FHIT: variants seen among roughly 807,000 people sequenced by gnomAD.
FHIT encodes fragile histidine triad diadenosine triphosphatase.
A neutral mutation model predicts 17.9 loss-of-function variants in FHIT; 19 were observed. That is an observed-to-expected ratio of 1.06 (90% CI 0.74 to 1.56). The LOEUF is 1.56. Among genes scored for constraint, FHIT ranks in the 40% most tolerant of loss-of-function variants. The pLI, the probability that FHIT is intolerant of heterozygous loss-of-function variation, is 0.00. For missense variants in FHIT, 248 were observed against 189.2 expected (o/e 1.31, Z -1.82); for synonymous variants, 81 against 69.7 (o/e 1.16, Z -0.81).
intron 5 of FHIT, among the ~76,000 whole-genome samples, chr3:60,435,967 T>C (rs1284351884): frequency 2.0e-5 from 3 of 152,148 alleles, no homozygotes; most frequent in Admixed American, 6.6e-5. Context: ...GCTCCATCCT[T>C]ATCCCTGCAA....
chr3:60,271,170 T>C (rs555618979), intron 5 of FHIT, among the ~76,000 whole-genome samples: 138 of 152,172 alleles, frequency 9.1e-4, no homozygotes, highest in Non-Finnish European at 1.2e-3. Context: ...GAAACAAAGG[T>C]GGGCAGATCT....
intron 3 of FHIT, among the ~76,000 whole-genome samples, chr3:60,920,027 C>T (rs1553767995): frequency 6.6e-6 from 1 of 151,132 alleles, no homozygotes; most frequent in East Asian, 1.9e-4. Context: ...GAGCGAGACT[C>T]CGTCTCAAAA....
At chr3:60,303,248 C>T (rs1325396537) in intron 5 of FHIT, among the ~76,000 whole-genome samples, 2 of 152,130 alleles carry the variant, frequency 1.3e-5, no homozygotes, top group Non-Finnish European at 2.9e-5. Context: ...CTAAGCATGA[C>T]ATCCAAATTC....
At chr3:60,565,146 T>C (rs375156021) in intron 4 of FHIT, among the ~76,000 whole-genome samples, 19 of 152,328 alleles carry the variant, frequency 1.2e-4, no homozygotes, top group Middle Eastern at 6.8e-3. Context: ...ATGTACACTT[T>C]TTAGGAATAA....
At position 59,747,522 on chromosome 3, in the gene FHIT, G is replaced by A. The variant is rs541513939; in HGVS notation, c.*2063C>T. Among the ~76,000 whole-genome samples, 22 of 152,258 alleles carry A rather than the reference G, an allele frequency of 1.4e-4. No individual in the cohort carries two copies. The highest frequency in any genetic ancestry group is 1.4e-3 in the Admixed American group (22 of 15,298). ...GGAGCTACAATTCAAGATGAGATGT[G>A]GGTGGGGAAACAGCCAAATCGTATA... On this transcript the variant is annotated 3_prime_UTR_variant, in exon 10 of 10. Coordinates refer to ENST00000492590, the MANE Select transcript of FHIT (RefSeq NM_002012.4).
chr3:59,846,354 A>G (rs541584416), intron 8 of FHIT, among the ~76,000 whole-genome samples: 1 of 152,268 alleles, frequency 6.6e-6, no homozygotes, highest in African/African-American at 2.4e-5. Flanking sequence ...CTTAACTTCT[A>G]TAACATATAA....
intron 3 of FHIT, among the ~76,000 whole-genome samples, chr3:61,035,204 T>G (rs2033182383): frequency 6.6e-6 from 1 of 152,196 alleles, no homozygotes. Flanking sequence ...GTTTTGGAAC[T>G]GGATAGAGAT....
chr3:59,756,178 C>G (rs1308240485), intron 8 of FHIT, among the ~76,000 whole-genome samples: 1 of 151,962 alleles, frequency 6.6e-6, no homozygotes, highest in Non-Finnish European at 1.5e-5. Flanking sequence ...TTTTTCATCT[C>G]CATGGTTCCC....
chr3:61,082,095 G>A (rs1177464118), intron 2 of FHIT, among the ~76,000 whole-genome samples: 2 of 148,774 alleles, frequency 1.3e-5, no homozygotes, highest in African/African-American at 2.5e-5. Context: ...AAAAAAAAAA[G>A]TGCTTATTGA....
intron 4 of FHIT, among the ~76,000 whole-genome samples, chr3:60,675,139 A>G (rs2040592897): frequency 6.6e-6 from 1 of 152,316 alleles, no homozygotes; most frequent in South Asian, 2.1e-4. Flanking sequence ...CTGTTAGCCA[A>G]TTTCTGAAAA....
At chr3:61,242,918 C>A (rs78718872) in intron 1 of FHIT, among the ~76,000 whole-genome samples, 11 of 152,242 alleles carry the variant, frequency 7.2e-5, no homozygotes, top group African/African-American at 2.6e-4. Flanking sequence ...TTGATGTTAT[C>A]CCTAGGAGCA....
intron 3 of FHIT, among the ~76,000 whole-genome samples, chr3:60,965,460 A>C (rs984629461): frequency 1.3e-5 from 2 of 152,286 alleles, no homozygotes; most frequent in Admixed American, 1.3e-4. Flanking sequence ...TTCTCCATCC[A>C]GCTTTGTTCC....
At chr3:60,096,389 A>T (rs73093995) in intron 5 of FHIT, among the ~76,000 whole-genome samples, 36,590 of 151,906 alleles carry the variant, frequency 0.24, 4,690 homozygotes, top group African/African-American at 0.29. Flanking sequence ...GTACTCGAAA[A>T]AGCAACATTA....
At chr3:60,500,771 TAAAAAAA>T (rs71092606) in intron 5 of FHIT, among the ~76,000 whole-genome samples, 2 of 64,860 alleles carry the variant, frequency 3.1e-5, no homozygotes, top group Non-Finnish European at 5.6e-5. Context: ...AGCATCCATC[TAAAAAAA>T]AAAAAAAAAA....
chr3:60,740,054 A>G (rs2042212031), intron 4 of FHIT, among the ~76,000 whole-genome samples: 1 of 152,242 alleles, frequency 6.6e-6, no homozygotes, highest in Non-Finnish European at 1.5e-5. Flanking sequence ...CTGTAAAGAC[A>G]GGCAAGAATC....
At chr3:60,506,320 G>C (rs80080906) in intron 5 of FHIT, among the ~76,000 whole-genome samples, 23 of 152,246 alleles carry the variant, frequency 1.5e-4, no homozygotes, top group African/African-American at 5.5e-4. Context: ...CAAGTATAAA[G>C]CTAATTTTGT....
chr3:60,848,370 G>T (rs1210595204), intron 3 of FHIT, among the ~76,000 whole-genome samples: 3 of 152,130 alleles, frequency 2.0e-5, no homozygotes, highest in Non-Finnish European at 4.4e-5. Flanking sequence ...ACTAAAAGGA[G>T]ATTTTTAGAC....
chr3:60,299,001 A>T (rs1228712659), intron 5 of FHIT, among the ~76,000 whole-genome samples: 1 of 152,074 alleles, frequency 6.6e-6, no homozygotes, highest in Non-Finnish European at 1.5e-5. Flanking sequence ...TAACCAATCA[A>T]ATTACTGTGG....
chr3:60,961,009 C>T (rs1240038665), intron 3 of FHIT, among the ~76,000 whole-genome samples: 8 of 152,228 alleles, frequency 5.3e-5, no homozygotes, highest in African/African-American at 1.2e-4. Context: ...AATCGCCACA[C>T]TGTCTTCCAC....
Sources: allele counts gnomAD v4.1 joint callset (sites outside exome capture counted in the v4.1 genomes callset), GRCh38; gene constraint gnomAD v4.1.1; transcripts MANE v1.5; gene names NCBI Gene and HGNC (gene_info 2026-07-23, HGNC 2026-07-21).